ICAM2: variants seen among roughly 807,000 people sequenced by gnomAD.
The protein encoded by ICAM2 is intercellular adhesion molecule 2, also known as ICAM-2.
A neutral mutation model predicts 19.1 loss-of-function variants in ICAM2; 14 were observed. The observed-to-expected ratio is 0.73, with a 90% CI of 0.48 to 1.15. The LOEUF is 1.15. Ranked by LOEUF, ICAM2 falls within the 50% of genes most tolerant of loss-of-function variation. The pLI is 0.00. For synonymous variants in ICAM2, 153 were observed against 152.7 expected, an observed-to-expected ratio of 1.00 and a Z score of -0.01; for missense variants, 311 against 355.4, an observed-to-expected ratio of 0.88 and a Z score of 1.00.
chr17:64,017,918 T>A (rs1911777937), intron 1 of ICAM2, among the ~76,000 whole-genome samples: 1 of 152,164 alleles, frequency 6.6e-6, no homozygotes, highest in Non-Finnish European at 1.5e-5. Context: ...AGAAATCAAT[T>A]CCATTTAGAT....
chr17:64,013,755 T>C (rs760977314), intron 1 of ICAM2, among the ~76,000 whole-genome samples: 13 of 152,108 alleles, frequency 8.5e-5, no homozygotes, highest in Non-Finnish European at 1.5e-4. Flanking sequence ...GAAGTTACAA[T>C]AGTTCTAAAC....
chr17:64,019,485 G>A (rs1911855722), intron 1 of ICAM2, among the ~76,000 whole-genome samples: 1 of 152,084 alleles, frequency 6.6e-6, no homozygotes, highest in Non-Finnish European at 1.5e-5. Flanking sequence ...ATTCCAGAGG[G>A]TGGCTACCTG....
chr17:64,019,554 G>A (rs527612397), intron 1 of ICAM2, among the ~76,000 whole-genome samples: 2 of 152,232 alleles, frequency 1.3e-5, no homozygotes, highest in East Asian at 3.9e-4. Context: ...GGTGGCTCAC[G>A]CCTGTAATCC....
intron 2 of ICAM2, 43 bp downstream of exon 2, chr17:64,006,588 G>A (rs1172737754): frequency 7.6e-6 from 12 of 1,575,940 alleles, no homozygotes; most frequent in Admixed American, 5.0e-5. Context: ...CCACCCTCTC[G>A]GCTGGCATGT....
At chr17:64,003,215 C>T (rs573662308) in intron 4 of ICAM2, 5 of 459,502 alleles carry the variant, frequency 1.1e-5, no homozygotes, top group African/African-American at 3.9e-5. Flanking sequence ...TGCTGGACAC[C>T]GTGGCCTGGA....
chr17:64,007,036 A>C, intron 1 of ICAM2: 1 of 260,950 alleles, frequency 3.8e-6, no homozygotes, highest in Non-Finnish European at 7.3e-6. Flanking sequence ...CAAGCCCCAG[A>C]TCTGGGGAAC....
chr17:64,003,288 C>G, intron 4 of ICAM2: 1 of 422,440 alleles, frequency 2.4e-6, no homozygotes, highest in African/African-American at 2.0e-5. Context: ...ATGCCAGGCT[C>G]CCTGTGTGCC....
chr17:64,015,469 A>G (rs993536947), intron 1 of ICAM2, among the ~76,000 whole-genome samples: 1 of 152,162 alleles, frequency 6.6e-6, no homozygotes, highest in Admixed American at 6.5e-5. Context: ...TAATTCCAAG[A>G]AAGTGCTTAC....
intron 4 of ICAM2, 61 bp from the exon 5 acceptor site, chr17:64,002,986 A>G: frequency 6.6e-7 from 1 of 1,507,796 alleles, no homozygotes; most frequent in Non-Finnish European, 9.1e-7. Context: ...AGGGACCAAA[A>G]GGGAGTGGAA....
chr17:64,012,469 G>A (rs1272845270), intron 1 of ICAM2, among the ~76,000 whole-genome samples: 2 of 152,108 alleles, frequency 1.3e-5, no homozygotes, highest in African/African-American at 4.8e-5. Context: ...GCATAGTGGT[G>A]TGTATCTGTA....
intron 2 of ICAM2, chr17:64,006,370 G>C (rs1175938957): frequency 4.7e-6 from 2 of 428,354 alleles, no homozygotes; most frequent in African/African-American, 4.1e-5. Context: ...GGGCATGGTG[G>C]CTCTCACCTG....
rs1911124275 is a variant in ICAM2 at position 64,005,257 on chromosome 17, G to C, written c.178C>G (p.Leu60Val). 3 of 1,614,042 alleles carry C rather than the reference G, an allele frequency of 1.9e-6. No individual in the cohort carries two copies. The highest frequency in any genetic ancestry group is 2.7e-5 in the African/African-American group (2 of 74,914). Residue 60 changes from leucine to valine, a missense_variant, in exon 3 of 5, where the codon CTG becomes GTG. Physicochemically the swap from Leu to Val is conservative, Grantham distance 32 (BLOSUM62 1). Coordinates refer to ENST00000579788, the MANE Select transcript of ICAM2 (RefSeq NM_001099789.2). The stretch of plus-strand genomic sequence containing the variant: ...AGAATCTTATCTAGAGAGGTCTCCA[G>C]ACCACCCACTTCAGGCTGGTTACAG... ...TTCNQPEVGGLETSLDKILLD... is the reference protein window; with the variant it reads ...TTCNQPEVGGVETSLDKILLD...
At chr17:64,014,033 T>C (rs140277461) in intron 1 of ICAM2, among the ~76,000 whole-genome samples, 22 of 152,200 alleles carry the variant, frequency 1.4e-4, no homozygotes, top group African/African-American at 5.3e-4. Context: ...AAAAACATAA[T>C]CTAATGCATT....
chr17:64,006,342 A>G, intron 2 of ICAM2: 1 of 337,566 alleles, frequency 3.0e-6, no homozygotes, highest in Non-Finnish European at 5.4e-6. Context: ...ATCTCTACAA[A>G]AAATACAAAA....
intron 1 of ICAM2, among the ~76,000 whole-genome samples, chr17:64,008,324 G>A (rs941927165): frequency 6.6e-6 from 1 of 152,184 alleles, no homozygotes; most frequent in Non-Finnish European, 1.5e-5. Flanking sequence ...AAACACTCCT[G>A]AAACCCAAGC....
At chr17:64,019,979 T>G (rs990430572) in intron 1 of ICAM2, among the ~76,000 whole-genome samples, 1 of 151,926 alleles carries the variant, frequency 6.6e-6, no homozygotes, top group Non-Finnish European at 1.5e-5. Flanking sequence ...TAGTAAATTT[T>G]ACAAAAATAA....
chr17:64,019,056 C>A (rs921011186), intron 1 of ICAM2, among the ~76,000 whole-genome samples: 1 of 152,138 alleles, frequency 6.6e-6, no homozygotes, highest in African/African-American at 2.4e-5. Context: ...GAGCAAATCA[C>A]TTAATCTTTC....
chr17:64,014,408 A>AAGG lies in ICAM2; in HGVS notation c.-45+6114_-45+6115insCCT, dbSNP rs1567849425. Among the ~76,000 whole-genome samples, 12 of 24,104 alleles carry AAGG rather than the reference A, an allele frequency of 5.0e-4. 2 individuals are homozygous for AAGG. In the East Asian group the frequency reaches 0.021, roughly 43 times the overall value. 15.8% of individuals were successfully genotyped at this position (24,104 alleles called of 152,430 possible). On this transcript the variant is annotated intron_variant, in intron 1 of 4. Transcript: ENST00000579788. ...GGAAGGAAGGAAGGAAGGAAGGAAG[A>AAGG]GAAAGAGAAAGAAAGGAAGGAAGGA... is the stretch of plus-strand genomic sequence containing the variant.
chr17:64,011,867 A>C (rs1329363752), intron 1 of ICAM2, among the ~76,000 whole-genome samples: 1 of 152,250 alleles, frequency 6.6e-6, no homozygotes, highest in South Asian at 2.1e-4. Flanking sequence ...GAGGCTCCTC[A>C]AAAAATTAAA....
Sources: gnomAD v4.1 joint callset for allele counts (sites outside exome capture counted in the v4.1 genomes callset) on GRCh38, gnomAD v4.1.1 for gene constraint, MANE v1.5 for transcripts, NCBI Gene and HGNC (gene_info 2026-07-23, HGNC 2026-07-21) for gene names.